The following SLC35D1 variants were observed in gnomAD, a reference collection of about 807,000 sequenced individuals.
SLC35D1 encodes the protein solute carrier family 35 member D1, also known as nucleotide sugar transporter SLC35D1.
SLC35D1 carries 31 observed loss-of-function variants against 46.7 expected under a neutral mutation model. The ratio of observed to expected loss-of-function variants is 0.66; its 90% CI spans 0.50 to 0.90. The LOEUF (loss-of-function observed/expected upper bound fraction) is 0.90. Among genes scored for constraint, SLC35D1 ranks in the 40% least tolerant of loss-of-function variants. SLC35D1 has a pLI of 0.00. For synonymous variants in SLC35D1, 195 were observed against 164.6 expected (o/e 1.18, Z -1.41); for missense variants, 397 against 426.2 (o/e 0.93, Z 0.60).
At chr1:67,038,868 T>C (rs985285460) in intron 8 of SLC35D1, among the ~76,000 whole-genome samples, 1 of 126,418 alleles carries the variant, frequency 7.9e-6, no homozygotes, top group Admixed American at 7.4e-5. Flanking sequence ...CACACACAAC[T>C]AGTTTGGTTT....
chr1:67,024,342 T>C (rs1323666633), intron 8 of SLC35D1, among the ~76,000 whole-genome samples: 4 of 152,218 alleles, frequency 2.6e-5, no homozygotes, highest in South Asian at 2.1e-4. Context: ...TTCTTGCTTA[T>C]AACTTTTTAA....
chr1:67,035,999 C>A (rs1357005850), intron 8 of SLC35D1, among the ~76,000 whole-genome samples: 1 of 151,846 alleles, frequency 6.6e-6, no homozygotes, highest in Non-Finnish European at 1.5e-5. Flanking sequence ...ATTCAAAAAT[C>A]CCTCGTTATT....
At chr1:67,049,708 T>C in intron 6 of SLC35D1, 74 bp downstream of exon 6, 5 of 1,329,116 alleles carry the variant, frequency 3.8e-6, no homozygotes, top group Non-Finnish European at 5.3e-6. Flanking sequence ...AAAAAATTGT[T>C]ATTGATAAGC....
intron 11 of SLC35D1, among the ~76,000 whole-genome samples, chr1:67,008,601 C>CA (rs1483830616): frequency 6.6e-6 from 1 of 152,124 alleles, no homozygotes; most frequent in East Asian, 1.9e-4. Flanking sequence ...TTTTGATCTT[C>CA]AAAAGCAAGG....
rs776067647 is a variant in SLC35D1 at position 67,047,257 on chromosome 1, C to T, written c.636+8G>A. The T allele has an allele frequency of 6.2e-7, 1 of 1,601,096 alleles. No homozygotes were observed. The highest frequency in any genetic ancestry group is 1.7e-5 in the Admixed American group (1 of 59,978). On this transcript the variant is annotated splice_region_variant and intron_variant, in intron 7 of 11. Coordinates refer to ENST00000235345, the MANE Select transcript of SLC35D1 (RefSeq NM_015139.3). ...ACACAACTGTTAAAGCTTTAGATTG[C>T]TACTTACTTTTGAATCTAATTTTTG...
chr1:67,037,819 C>T (rs1361747523), intron 8 of SLC35D1, among the ~76,000 whole-genome samples: 1 of 152,138 alleles, frequency 6.6e-6, no homozygotes, highest in Non-Finnish European at 1.5e-5. Flanking sequence ...AAATGATATT[C>T]TATTCCTGAA....
downstream of SLC35D1, among the ~76,000 whole-genome samples, chr1:66,996,871 G>A (rs987076281): frequency 2.6e-5 from 4 of 152,178 alleles, no homozygotes; most frequent in Non-Finnish European, 4.4e-5. Context: ...GTTTTTTAAA[G>A]TTGATTAAAA....
chr1:66,975,417 T>C, the SLC35D1 span, among the ~76,000 whole-genome samples: 88 of 152,078 alleles, frequency 5.8e-4, no homozygotes, highest in African/African-American at 2.0e-3. Context: ...GTCCCAGTTA[T>C]TGAGGGTGCT....
chr1:66,998,710 C>T (rs1188154984), downstream of SLC35D1, among the ~76,000 whole-genome samples: 2 of 152,058 alleles, frequency 1.3e-5, no homozygotes, highest in Non-Finnish European at 2.9e-5. Context: ...ACATCAAGGG[C>T]GTTATGCTAT....
At chr1:67,022,419 G>C (rs1430903683) in intron 8 of SLC35D1, among the ~76,000 whole-genome samples, 1 of 152,146 alleles carries the variant, frequency 6.6e-6, no homozygotes, top group African/African-American at 2.4e-5. Context: ...TTTCTTACTT[G>C]CATGCCTTTG....
chr1:67,053,564 G>C (rs1645334811), intron 1 of SLC35D1, among the ~76,000 whole-genome samples: 1 of 152,072 alleles, frequency 6.6e-6, no homozygotes, highest in Non-Finnish European at 1.5e-5. Context: ...CCCAGGGCAT[G>C]GCAGGCGAGC....
intron 8 of SLC35D1, chr1:67,032,039 G>A (rs1410681364): frequency 1.0e-6 from 1 of 984,372 alleles, no homozygotes; most frequent in Non-Finnish European, 1.2e-6. Flanking sequence ...CATTCTGTGT[G>A]TGACACAGAA....
At chr1:67,005,599 T>G (rs1275625482) in intron 11 of SLC35D1, among the ~76,000 whole-genome samples, 1 of 152,220 alleles carries the variant, frequency 6.6e-6, no homozygotes, top group Non-Finnish European at 1.5e-5. Flanking sequence ...TAAAGTCTAC[T>G]TGTCAAGCAT....
At chr1:66,978,686 G>C in the SLC35D1 span, among the ~76,000 whole-genome samples, 1 of 152,114 alleles carries the variant, frequency 6.6e-6, no homozygotes, top group Non-Finnish European at 1.5e-5. Context: ...TCACACGTGA[G>C]CTACATTCAG....
At chr1:66,995,446 A>AAAAAAAAAAAAC (rs1667228958), downstream of SLC35D1, among the ~76,000 whole-genome samples, 1 of 15,730 alleles carries the variant, frequency 6.4e-5, no homozygotes, top group Non-Finnish European at 1.3e-4. Flanking sequence ...AAAAAAAAAA[A>AAAAAAAAAAAAC]AAAAAAAAAA....
intron 11 of SLC35D1, chr1:67,008,483 T>C: frequency 1.6e-6 from 2 of 1,286,590 alleles, no homozygotes; most frequent in South Asian, 1.2e-5. Context: ...AAAGTTACAG[T>C]TCCTGAGACA....
At position 67,020,890 on chromosome 1, in the gene SLC35D1, C is replaced by T. The variant is rs1239328897; in HGVS notation, c.798-443G>A. On this transcript the variant is annotated intron_variant, in intron 9 of 11. Transcript: ENST00000235345. ...ATTAAAACTACTTTAAGAGGGGATA[C>T]AGGTTCACTTAACAACTAAGTGGCA... Among the ~76,000 whole-genome samples, 4 of 152,300 alleles carry T rather than the reference C, an allele frequency of 2.6e-5. No homozygotes were observed. The East Asian group carries it at 7.7e-4, about 29-fold the overall frequency.
the SLC35D1 span, chr1:66,986,265 AT>A: frequency 7.1e-7 from 1 of 1,407,268 alleles, no homozygotes; most frequent in Non-Finnish European, 9.2e-7. Flanking sequence ...AGGATTATCC[AT>A]CTGCATAGCC....
intron 8 of SLC35D1, among the ~76,000 whole-genome samples, chr1:67,038,360 A>G (rs1485949268): frequency 6.6e-6 from 1 of 152,202 alleles, no homozygotes; most frequent in Non-Finnish European, 1.5e-5. Flanking sequence ...AACCTTTCCT[A>G]TAACTCCCCT....
Sources: allele counts gnomAD v4.1 joint callset (sites outside exome capture counted in the v4.1 genomes callset), GRCh38; gene constraint gnomAD v4.1.1; transcripts MANE v1.5; gene names NCBI Gene and HGNC (gene_info 2026-07-23, HGNC 2026-07-21).